The following DENND1A variants were observed in gnomAD, a reference collection of about 807,000 sequenced individuals.
DENND1A encodes the protein DENN domain containing 1A, also known as DENN domain-containing protein 1A.
Under a neutral mutation model 113.7 loss-of-function variants are expected in DENND1A, and 51 were observed. The ratio of observed to expected loss-of-function variants is 0.45; its 90% CI spans 0.36 to 0.57. DENND1A has a LOEUF of 0.57. DENND1A is among the 20% of genes least tolerant of loss of function. The pLI, the probability that DENND1A is intolerant of heterozygous loss-of-function variation, is 0.00. For missense variants in DENND1A, 1,258 were observed against 1,395.9 expected (o/e 0.90, Z 1.57); for synonymous variants, 565 against 570.8 (o/e 0.99, Z 0.14).
At chr9:123,679,118 G>A (rs10760295) in intron 5 of DENND1A, among the ~76,000 whole-genome samples, 73,460 of 152,060 alleles carry the variant, frequency 0.48, 19,993 homozygotes, top group African/African-American at 0.75. Context: ...AGAAGGGGAA[G>A]TAGAATCTTG....
intron 21 of DENND1A, among the ~76,000 whole-genome samples, chr9:123,395,496 C>CAGAGAG (rs143432983): frequency 2.7e-5 from 3 of 111,088 alleles, no homozygotes; most frequent in African/African-American, 4.5e-5. Flanking sequence ...GTGTGTGTGA[C>CAGAGAG]AGAGAGAGAG....
intron 12 of DENND1A, among the ~76,000 whole-genome samples, chr9:123,570,337 T>C (rs2136322185): frequency 6.6e-6 from 1 of 152,212 alleles, no homozygotes. Flanking sequence ...TATAAATGGG[T>C]AGAAGAGCAA....
chr9:123,607,895 G>A (rs1037373724), intron 11 of DENND1A, among the ~76,000 whole-genome samples: 5 of 151,986 alleles, frequency 3.3e-5, no homozygotes, highest in Non-Finnish European at 5.9e-5. Context: ...CAAGCGGGAG[G>A]GAACTGTGGA....
chr9:123,841,414 A>C (rs1841814425), intron 2 of DENND1A, among the ~76,000 whole-genome samples: 1 of 152,200 alleles, frequency 6.6e-6, no homozygotes, highest in Non-Finnish European at 1.5e-5. Context: ...TTCCACATAA[A>C]TTACCTAATT....
intron 13 of DENND1A, among the ~76,000 whole-genome samples, chr9:123,507,542 A>G (rs1484636217): frequency 6.6e-6 from 1 of 152,080 alleles, no homozygotes; most frequent in Non-Finnish European, 1.5e-5. Context: ...CTAAAGCAGA[A>G]AATTTTAACA....
At chr9:123,855,338 A>C (rs1190453992) in intron 2 of DENND1A, among the ~76,000 whole-genome samples, 1 of 149,892 alleles carries the variant, frequency 6.7e-6, no homozygotes, top group Non-Finnish European at 1.5e-5. Flanking sequence ...GGGGGAAGCA[A>C]GGGTAGACAG....
chr9:123,805,693 G>A (rs955586813), intron 2 of DENND1A, among the ~76,000 whole-genome samples: 42 of 151,770 alleles, frequency 2.8e-4, no homozygotes, highest in African/African-American at 9.7e-4. Flanking sequence ...CTTGACCTCC[G>A]AAAGCACTGG....
At chr9:123,673,469 G>C (rs890727444) in intron 6 of DENND1A, among the ~76,000 whole-genome samples, 1 of 152,204 alleles carries the variant, frequency 6.6e-6, no homozygotes, top group Admixed American at 6.5e-5. Context: ...CTTTTTGGCA[G>C]AAAAGATATT....
At chr9:123,842,770 A>G (rs1400635012) in intron 2 of DENND1A, among the ~76,000 whole-genome samples, 1 of 152,214 alleles carries the variant, frequency 6.6e-6, no homozygotes, top group Non-Finnish European at 1.5e-5. Context: ...AATTCATTCT[A>G]TAAGGCCAGT....
chr9:123,711,782 A>C (rs544097966), intron 5 of DENND1A, among the ~76,000 whole-genome samples: 1 of 151,870 alleles, frequency 6.6e-6, no homozygotes, highest in African/African-American at 2.4e-5. Context: ...ACTAATTAAG[A>C]CTTCCCAAAT....
intron 20 of DENND1A, among the ~76,000 whole-genome samples, chr9:123,404,345 T>C (rs2043759214): frequency 6.6e-6 from 1 of 152,236 alleles, no homozygotes; most frequent in Admixed American, 6.5e-5. Flanking sequence ...TACATGGCTT[T>C]AAATTTGGCA....
At chr9:123,558,232 A>G (rs2057537785) in intron 12 of DENND1A, among the ~76,000 whole-genome samples, 1 of 152,126 alleles carries the variant, frequency 6.6e-6, no homozygotes, top group Non-Finnish European at 1.5e-5. Context: ...ACCTAGCAAC[A>G]AACTCAAGAC....
intron 20 of DENND1A, among the ~76,000 whole-genome samples, chr9:123,409,272 AT>A (rs1463853282): frequency 2.6e-5 from 4 of 151,582 alleles, no homozygotes; most frequent in Non-Finnish European, 5.9e-5. Flanking sequence ...CTACTGATTC[AT>A]TTTTTTCTTG....
At position 123,552,033 on chromosome 9, in the gene DENND1A, G is replaced by C. The variant is rs1053013691; in HGVS notation, c.993+5537C>G. 2.7e-3 allele frequency among the ~76,000 whole-genome samples: 390 copies of C among 144,620 alleles called. 3 individuals are homozygous for C. Among genetic ancestry groups the C allele is most frequent in the South Asian group, 4.3e-3 (20 of 4,610 alleles). The allele number at this position is 144,620 out of a possible 152,430, so 94.9% of individuals were successfully genotyped here. On this transcript the variant is annotated intron_variant, in intron 13 of 23. Coordinates refer to ENST00000394215, the MANE Select transcript of DENND1A (RefSeq NM_001352964.2). ...AGAGCGAGAGCGAGAGAGAGAGAGAGAGAGACAGAGAGAGAGAGAGAGAGA... is the reference window on the plus strand; with the variant it reads ...AGAGCGAGAGCGAGAGAGAGAGAGACAGAGACAGAGAGAGAGAGAGAGAGA...
intron 9 of DENND1A, among the ~76,000 whole-genome samples, chr9:123,645,364 T>C (rs190710345): frequency 1.2e-4 from 18 of 152,316 alleles, no homozygotes; most frequent in Admixed American, 1.2e-3. Context: ...CATCAGGATC[T>C]GTCAAGAGAG....
At chr9:123,711,513 G>GTATATATATATATATATATATATATA (rs56814463) in intron 5 of DENND1A, among the ~76,000 whole-genome samples, 1 of 121,000 alleles carries the variant, frequency 8.3e-6, no homozygotes, top group Non-Finnish European at 1.7e-5. Context: ...ATGTATATAT[G>GTATATATATATATATATATATATATA]TATATATATA....
chr9:123,721,673 G>T (rs2067350995), intron 5 of DENND1A, among the ~76,000 whole-genome samples: 1 of 152,186 alleles, frequency 6.6e-6, no homozygotes, highest in South Asian at 2.1e-4. Context: ...TCAGTCTCAT[G>T]AGATCTAATG....
intron 11 of DENND1A, among the ~76,000 whole-genome samples, chr9:123,596,837 G>T (rs1405321292): frequency 6.6e-6 from 1 of 152,194 alleles, no homozygotes; most frequent in Non-Finnish European, 1.5e-5. Context: ...CTAATTATGT[G>T]TGTGACTTTG....
At chr9:123,921,552 G>A (rs1487467051) in intron 1 of DENND1A, among the ~76,000 whole-genome samples, 1 of 152,168 alleles carries the variant, frequency 6.6e-6, no homozygotes, top group Non-Finnish European at 1.5e-5. Context: ...TGTGGCTAAA[G>A]TGAATTCAAA....
Sources: allele counts gnomAD v4.1 joint callset (sites outside exome capture counted in the v4.1 genomes callset), GRCh38; gene constraint gnomAD v4.1.1; transcripts MANE v1.5; gene names NCBI Gene and HGNC (gene_info 2026-07-23, HGNC 2026-07-21).